The following MAPK4 variants were observed in gnomAD, a reference collection of about 807,000 sequenced individuals.
The protein encoded by MAPK4 is Erk3-related.
Under a neutral mutation model 47.7 loss-of-function variants are expected in MAPK4, and 22 were observed. The ratio of observed to expected loss-of-function variants is 0.46; its 90% CI spans 0.33 to 0.66. MAPK4 has a LOEUF of 0.66. MAPK4 is among the 30% of genes least tolerant of loss of function. The pLI is 0.02. For missense variants in MAPK4, 736 were observed against 831.7 expected, an observed-to-expected ratio of 0.88 and a Z score of 1.42; for synonymous variants, 390 against 365.7, an observed-to-expected ratio of 1.07 and a Z score of -0.76.
chr18:50,668,599 G>A (rs1907742531), intron 2 of MAPK4, among the ~76,000 whole-genome samples: 1 of 152,206 alleles, frequency 6.6e-6, no homozygotes, highest in South Asian at 2.1e-4. Flanking sequence ...GGGAGATGGT[G>A]TGGGTGGCAA....
chr18:50,592,283 A>G (rs72917650), intron 1 of MAPK4, among the ~76,000 whole-genome samples: 1 of 152,310 alleles, frequency 6.6e-6, no homozygotes, highest in Non-Finnish European at 1.5e-5. Context: ...TCCTTATTTG[A>G]AGCAGTGGGT....
At chr18:50,598,366 A>T (rs1211916625) in intron 1 of MAPK4, among the ~76,000 whole-genome samples, 1 of 152,198 alleles carries the variant, frequency 6.6e-6, no homozygotes, top group Non-Finnish European at 1.5e-5. Flanking sequence ...TCTTCTTACC[A>T]GTTTACCTTG....
At chr18:50,570,544 C>G (rs1451734248) in intron 1 of MAPK4, among the ~76,000 whole-genome samples, 1 of 152,084 alleles carries the variant, frequency 6.6e-6, no homozygotes, top group East Asian at 1.9e-4. Flanking sequence ...CAAACTGGAC[C>G]CCAAAATGTT....
chr18:50,627,613 C>G (rs1446600575), intron 1 of MAPK4, among the ~76,000 whole-genome samples: 3 of 152,204 alleles, frequency 2.0e-5, no homozygotes, highest in Non-Finnish European at 2.9e-5. Context: ...TTAGCTCTTA[C>G]AGCATTGAAC....
intron 2 of MAPK4, among the ~76,000 whole-genome samples, chr18:50,696,013 T>C (rs1909494038): frequency 6.6e-6 from 1 of 151,672 alleles, no homozygotes; most frequent in African/African-American, 2.4e-5. Flanking sequence ...AGAGCTTGTG[T>C]TTTCAGCACA....
chr18:50,635,574 T>C (rs1322341624), intron 1 of MAPK4, among the ~76,000 whole-genome samples: 3 of 152,214 alleles, frequency 2.0e-5, no homozygotes, highest in African/African-American at 7.2e-5. Context: ...AAAATGCAAA[T>C]ATGATCTTGT....
chr18:50,562,675 A>C lies in MAPK4; in HGVS notation c.-871+2432A>C, dbSNP rs558649795. On this transcript the variant is annotated intron_variant, in intron 1 of 5. Transcript: ENST00000400384. ...ATCTTAGGATCTTGAGATGCACTGGAATATCCAGATTGGCGAGAAAATCAT... is the reference window on the plus strand; with the variant it reads ...ATCTTAGGATCTTGAGATGCACTGGCATATCCAGATTGGCGAGAAAATCAT... 3.9e-5 allele frequency among the ~76,000 whole-genome samples: 6 copies of C among 152,378 alleles called. No homozygotes were observed. In the South Asian group the frequency reaches 1.2e-3, roughly 32 times the overall value.
At chr18:50,718,354 G>C (rs945091654) in intron 3 of MAPK4, among the ~76,000 whole-genome samples, 2 of 152,202 alleles carry the variant, frequency 1.3e-5, no homozygotes, top group African/African-American at 2.4e-5. Flanking sequence ...GAGTAGCTGG[G>C]ATTACAGGCA....
At chr18:50,571,720 C>T (rs1034857948) in intron 1 of MAPK4, among the ~76,000 whole-genome samples, 4 of 152,134 alleles carry the variant, frequency 2.6e-5, no homozygotes, top group Non-Finnish European at 4.4e-5. Context: ...CCAGTTATTT[C>T]GAGACCATCT....
chr18:50,679,895 C>T (rs930902191), intron 2 of MAPK4, among the ~76,000 whole-genome samples: 8 of 151,944 alleles, frequency 5.3e-5, no homozygotes, highest in South Asian at 4.1e-4. Context: ...CGTGCTCTTA[C>T]GCTGTCCTCC....
At chr18:50,637,817 C>T (rs1009586047) in intron 1 of MAPK4, among the ~76,000 whole-genome samples, 1 of 152,222 alleles carries the variant, frequency 6.6e-6, no homozygotes, top group Non-Finnish European at 1.5e-5. Context: ...GATTGCCCCT[C>T]AGTCTGTGTG....
At chr18:50,565,030 C>G (rs1397489693) in intron 1 of MAPK4, among the ~76,000 whole-genome samples, 3 of 152,160 alleles carry the variant, frequency 2.0e-5, no homozygotes, top group Admixed American at 6.5e-5. Flanking sequence ...CTTGGGAAAG[C>G]AGTCTTTGGG....
intron 1 of MAPK4, among the ~76,000 whole-genome samples, chr18:50,645,396 G>A (rs184549089): frequency 2.6e-5 from 4 of 152,334 alleles, no homozygotes; most frequent in Admixed American, 2.6e-4. Context: ...AGCACCATGA[G>A]CTCTCAAAAT....
intron 2 of MAPK4, among the ~76,000 whole-genome samples, chr18:50,666,534 C>A (rs970717008): frequency 4.6e-5 from 7 of 152,194 alleles, no homozygotes; most frequent in African/African-American, 1.7e-4. Context: ...AAGGCTCACA[C>A]GATCCCCCAG....
rs972025023 is a variant in MAPK4, at chr18:50,608,527, C to G, written c.-871+48284C>G. Among the ~76,000 whole-genome samples, 4 of 152,126 alleles carry G rather than the reference C, an allele frequency of 2.6e-5. No homozygotes were observed. In the South Asian group the frequency reaches 6.2e-4, roughly 24 times the overall value. On this transcript the variant is annotated intron_variant, in intron 1 of 5. Transcript: ENST00000400384. Reference sequence around the variant, plus strand: ...CTCAAGGTGTTATCTTTGTTCTAAACTCACTTCATGCAGGGACCAATGATC... The same window carrying G: ...CTCAAGGTGTTATCTTTGTTCTAAAGTCACTTCATGCAGGGACCAATGATC...
intron 1 of MAPK4, among the ~76,000 whole-genome samples, chr18:50,561,129 C>T (rs1033057478): frequency 4.6e-5 from 7 of 152,210 alleles, no homozygotes; most frequent in Non-Finnish European, 7.3e-5. Flanking sequence ...ACCCTGGAGC[C>T]AGCAGTGGGT....
At chr18:50,650,298 A>T (rs2043033967) in intron 1 of MAPK4, among the ~76,000 whole-genome samples, 1 of 152,042 alleles carries the variant, frequency 6.6e-6, no homozygotes. Flanking sequence ...TTCTCTCTTG[A>T]CATCCTTCTG....
At chr18:50,684,911 G>A (rs781721196) in intron 2 of MAPK4, among the ~76,000 whole-genome samples, 25 of 152,202 alleles carry the variant, frequency 1.6e-4, no homozygotes, top group Admixed American at 8.5e-4. Flanking sequence ...CCCTGCAGAC[G>A]TCTCCATGTT....
At chr18:50,646,337 A>C (rs917703231) in intron 1 of MAPK4, among the ~76,000 whole-genome samples, 2 of 151,758 alleles carry the variant, frequency 1.3e-5, no homozygotes, top group African/African-American at 4.8e-5. Flanking sequence ...AGGCATCTTT[A>C]CTTTTTTTAG....
Sources: gnomAD v4.1 joint callset for allele counts (sites outside exome capture counted in the v4.1 genomes callset) on GRCh38, gnomAD v4.1.1 for gene constraint, MANE v1.5 for transcripts, NCBI Gene and HGNC (gene_info 2026-07-23, HGNC 2026-07-21) for gene names.